Variants in REV3L observed in about 807,000 individuals in gnomAD.
REV3L encodes the protein REV3 like, DNA directed polymerase zeta catalytic subunit.
In REV3L, 69 loss-of-function variants were observed where a neutral mutation model predicts 299.4. The observed-to-expected ratio is 0.23, with a 90% CI of 0.19 to 0.28. The LOEUF is 0.28. Among genes scored for constraint, REV3L ranks in the 10% least tolerant of loss-of-function variants. The pLI, the probability that REV3L is intolerant of heterozygous loss-of-function variation, is 1.00. For synonymous variants in REV3L, 1,238 were observed against 1,271.4 expected (o/e 0.97, Z 0.56); for missense variants, 3,128 against 3,693.8 (o/e 0.85, Z 3.97).
chr6:111,446,330 GGTTCCTATTAATAATAATGCTA>G (rs1788827103), intron 1 of REV3L, among the ~76,000 whole-genome samples: 1 of 152,094 alleles, frequency 6.6e-6, no homozygotes. Context: ...GAATAAAGGT[GGTTCCTATTAATAATAATGCTA>G]GTGTAAATTA....
Position 111,482,793 on chromosome 6 carries a change from G to C in REV3L, c.96C>G (p.Val32=), listed in dbSNP as rs1452030446. Residue 32 remains valine (V), a synonymous_variant, in exon 1 of 32, where the codon GTC becomes GTG. Transcript: ENST00000368802. ...AGACTCGCACCACCGGCACCTTCTT[G>C]ACAGGGGCCTGGGTGAGGGGGGATT... ...TCQSPLTQAP[V]KKVPVVRVFG... is the part of the protein sequence containing the mutation. 1.3e-6 allele frequency: 2 copies of C among 1,493,112 alleles called. No homozygotes were observed. The highest frequency in any genetic ancestry group is 2.9e-5 in the African/African-American group (2 of 68,486). 92.5% of individuals were successfully genotyped at this position (1,493,112 alleles called of 1,614,324 possible).
intron 1 of REV3L, among the ~76,000 whole-genome samples, chr6:111,465,756 A>ACAAACAAACAAAAAAAAAAAAAC (rs199912630): frequency 3.3e-4 from 48 of 147,102 alleles, no homozygotes; most frequent in Middle Eastern, 7.5e-3. Flanking sequence ...AAAAAAAAAA[A>ACAAACAAACAAAAAAAAAAAAAC]AAAAAAAAAA....
intron 20 of REV3L, among the ~76,000 whole-genome samples, chr6:111,344,843 T>C (rs1304145913): frequency 6.6e-6 from 1 of 152,226 alleles, no homozygotes; most frequent in Non-Finnish European, 1.5e-5. Context: ...AATTTTAAAT[T>C]ACTTTCTTTT....
chr6:111,465,415 A>G (rs912230951), intron 1 of REV3L, among the ~76,000 whole-genome samples: 1 of 151,816 alleles, frequency 6.6e-6, no homozygotes, highest in Non-Finnish European at 1.5e-5. Flanking sequence ...ACAAGAGTGA[A>G]AAACAAAATC....
chr6:111,366,585 A>G (rs1244918846), intron 14 of REV3L, among the ~76,000 whole-genome samples: 2 of 152,090 alleles, frequency 1.3e-5, no homozygotes, highest in South Asian at 2.1e-4. Context: ...ATATGATAAG[A>G]CTCAGGAACA....
rs202165311 is a variant in REV3L at position 111,375,077 on chromosome 6, T to C, written c.3278A>G (p.Asn1093Ser). Residue 1093 changes from asparagine to serine, a missense_variant, in exon 13 of 32, where the codon AAT becomes AGT. By Grantham distance (46) the Asn-to-Ser change is conservative. Around this residue, in one of 9 missense-constraint regions of REV3L, gnomAD observed 2,409 missense variants for 2,611.8 expected, o/e 0.92. Transcript: ENST00000368802. ...CAGGTCACAATCTTCGGTTTCAGCA[T>C]TGTAAGATGGTGAGGGAGGAGAAAG... ...AILSPPSPSY[N>S]AETEDCDLNY... 5.6e-6 allele frequency: 9 copies of C among 1,613,956 alleles called. No homozygotes were observed. The East Asian group carries it at 1.8e-4, about 32-fold the overall frequency.
At chr6:111,444,093 G>C (rs941004890) in intron 1 of REV3L, among the ~76,000 whole-genome samples, 22 of 152,176 alleles carry the variant, frequency 1.4e-4, no homozygotes, top group African/African-American at 5.1e-4. Flanking sequence ...AACTGACATG[G>C]AAATGTAACA....
intron 2 of REV3L, 32 bp from the exon 3 acceptor site, chr6:111,411,586 T>A: frequency 1.5e-6 from 2 of 1,353,740 alleles, no homozygotes; most frequent in Non-Finnish European, 1.0e-6. Context: ...TTCAAATTAT[T>A]TTCATAATTC....
intron 18 of REV3L, among the ~76,000 whole-genome samples, chr6:111,355,251 A>G (rs1202684507): frequency 6.6e-6 from 1 of 152,150 alleles, no homozygotes; most frequent in African/African-American, 2.4e-5. Context: ...TGCCCCTTAC[A>G]CACAGTTAAC....
At chr6:111,477,512 C>T (rs1793078484) in intron 1 of REV3L, among the ~76,000 whole-genome samples, 2 of 152,158 alleles carry the variant, frequency 1.3e-5, no homozygotes, top group Non-Finnish European at 2.9e-5. Context: ...AAAACATTCT[C>T]AGCAGGGGCA....
chr6:111,455,847 T>C (rs1009848666), intron 1 of REV3L, among the ~76,000 whole-genome samples: 7 of 152,190 alleles, frequency 4.6e-5, no homozygotes, highest in Non-Finnish European at 7.3e-5. Flanking sequence ...TATGTGTAGG[T>C]GTGTGGAATC....
chr6:111,388,176 AT>A (rs1266100430), intron 7 of REV3L, 91 bp from the exon 8 acceptor site: 6 of 808,818 alleles, frequency 7.4e-6, no homozygotes, highest in Non-Finnish European at 1.2e-5. Context: ...AATGGTGGCA[AT>A]TTCCTATCTT....
chr6:111,335,396 A>G, intron 22 of REV3L, 73 bp downstream of exon 22: 2 of 1,457,990 alleles, frequency 1.4e-6, no homozygotes, highest in Non-Finnish European at 9.2e-7. Flanking sequence ...TAAAAAGTCA[A>G]ATCACTTCAA....
intron 1 of REV3L, among the ~76,000 whole-genome samples, chr6:111,439,159 TG>T (rs1208084551): frequency 2.6e-5 from 4 of 152,370 alleles, no homozygotes; most frequent in Non-Finnish European, 4.4e-5. Flanking sequence ...TCTCACTTTA[TG>T]TTTTTTTGCT....
At chr6:111,394,876 G>C (rs1344526910) in intron 4 of REV3L, among the ~76,000 whole-genome samples, 1 of 151,874 alleles carries the variant, frequency 6.6e-6, no homozygotes, top group Non-Finnish European at 1.5e-5. Context: ...CTAATTTGTA[G>C]AGATGGGCTT....
At chr6:111,435,505 G>A (rs1787447131) in intron 1 of REV3L, among the ~76,000 whole-genome samples, 1 of 152,034 alleles carries the variant, frequency 6.6e-6, no homozygotes, top group African/African-American at 2.4e-5. Flanking sequence ...TATAAATCCA[G>A]ACATTAACAG....
At chr6:111,365,938 G>A (rs753104856) in intron 14 of REV3L, among the ~76,000 whole-genome samples, 1 of 152,134 alleles carries the variant, frequency 6.6e-6, no homozygotes, top group Non-Finnish European at 1.5e-5. Context: ...GATGATGACA[G>A]TTTGGCCTAA....
rs1392456364 is a variant in REV3L at position 111,309,739 on chromosome 6, C to G, written c.9042+114G>C. The G allele has an allele frequency of 5.7e-6, 7 of 1,228,782 alleles. No homozygotes were observed. In the South Asian group the frequency reaches 1.2e-4, roughly 20 times the overall value. The allele number at this position is 1,228,782 out of a possible 1,614,324, so 76.1% of individuals were successfully genotyped here. A position where few individuals can be genotyped will look rare whatever the true frequency, so the allele number is the denominator to read the frequency against. On this transcript the variant is annotated intron_variant, in intron 30 of 31. Coordinates refer to ENST00000368802, the MANE Select transcript of REV3L (RefSeq NM_001372078.1). ...TTCCGTATCATTTTACGGGACCACA[C>G]TCTTCCCTTCCCAGCACTCCCATAT... is the stretch of plus-strand genomic sequence containing the variant.
At chr6:111,301,105 G>C (rs1362395142) in intron 31 of REV3L, among the ~76,000 whole-genome samples, 1 of 151,714 alleles carries the variant, frequency 6.6e-6, no homozygotes, top group Non-Finnish European at 1.5e-5. Flanking sequence ...GGGAGTGTCT[G>C]TCTTATGCAG....
Sources: allele counts gnomAD v4.1 joint callset (sites outside exome capture counted in the v4.1 genomes callset), GRCh38; gene constraint gnomAD v4.1.1; regional missense constraint gnomAD v4.1.1; transcripts MANE v1.5; gene names NCBI Gene and HGNC (gene_info 2026-07-23, HGNC 2026-07-21).